MRPL1: variants seen among roughly 807,000 people sequenced by gnomAD.
MRPL1 encodes the protein large ribosomal subunit protein uL1m.
In MRPL1, 28 loss-of-function variants were observed where a neutral mutation model predicts 38.0. The ratio of observed to expected loss-of-function variants is 0.74; its 90% CI spans 0.55 to 1.01. The LOEUF is 1.01. MRPL1 is among the 50% of genes least tolerant of loss of function. The probability of loss-of-function intolerance (pLI) is 0.00; values close to 1 mark genes in which losing one functional copy is unlikely to be tolerated. For synonymous variants in MRPL1, 123 were observed against 126.7 expected, an observed-to-expected ratio of 0.97 and a Z score of 0.20; for missense variants, 358 against 389.8, an observed-to-expected ratio of 0.92 and a Z score of 0.69.
intron 7 of MRPL1, among the ~76,000 whole-genome samples, chr4:77,946,735 T>G (rs949008830): frequency 1.3e-5 from 2 of 152,160 alleles, no homozygotes; most frequent in African/African-American, 4.8e-5. Flanking sequence ...CTCCAAAATA[T>G]TTGGACAGAC....
intron 5 of MRPL1, among the ~76,000 whole-genome samples, chr4:77,892,471 T>G (rs1254201304): frequency 6.6e-6 from 1 of 152,162 alleles, no homozygotes; most frequent in Non-Finnish European, 1.5e-5. Flanking sequence ...ATTAAATTTA[T>G]TTTACTTTAT....
chr4:77,871,858 A>G lies in MRPL1; in HGVS notation c.143+3A>G. Reference sequence around the variant, plus strand: ...AGACATTTTGCTGCTGCTACAAAGTAAGTATTTTTTTTTAGTTATTATTTC... The same window carrying G: ...AGACATTTTGCTGCTGCTACAAAGTGAGTATTTTTTTTTAGTTATTATTTC... On this transcript the variant is annotated splice_donor_region_variant and intron_variant, in intron 2 of 8. Coordinates refer to ENST00000315567, the MANE Select transcript of MRPL1 (RefSeq NM_020236.4). The G allele has an allele frequency of 6.4e-7, 1 of 1,567,050 alleles. No homozygotes were observed. The highest frequency in any genetic ancestry group is 1.4e-5 in the African/African-American group (1 of 72,940).
rs186785178 is a variant in MRPL1 at position 77,934,765 on chromosome 4, A to G, written c.778-15032A>G. Among the ~76,000 whole-genome samples, 23 of 152,348 alleles carry G rather than the reference A, an allele frequency of 1.5e-4. 1 individual carries two copies. Among genetic ancestry groups the G allele is most frequent in the Admixed American group, 1.3e-3 (20 of 15,300 alleles). On this transcript the variant is annotated intron_variant, in intron 7 of 8. Coordinates refer to ENST00000315567, the MANE Select transcript of MRPL1 (RefSeq NM_020236.4). The stretch of plus-strand genomic sequence containing the variant: ...TCACAGTAGCATTCACAGGAGCCAG[A>G]AGGTACAAGCAGCCCATATGACAAT...
At chr4:77,931,920 G>A (rs1465190793) in intron 7 of MRPL1, among the ~76,000 whole-genome samples, 1 of 152,022 alleles carries the variant, frequency 6.6e-6, no homozygotes, top group East Asian at 1.9e-4. Context: ...TTCACGCAGC[G>A]CTGTGAGGAG....
chr4:77,878,663 A>G (rs1210246911), intron 2 of MRPL1, among the ~76,000 whole-genome samples: 5 of 152,062 alleles, frequency 3.3e-5, no homozygotes, highest in Admixed American at 2.0e-4. Flanking sequence ...GCAGATCACA[A>G]GGTCTGGAGT....
chr4:77,863,194 T>C (rs1320231118), intron 1 of MRPL1, among the ~76,000 whole-genome samples: 1 of 152,004 alleles, frequency 6.6e-6, no homozygotes, highest in Non-Finnish European at 1.5e-5. Flanking sequence ...TGGAGTGTGA[T>C]AAGTGAGGTG....
At chr4:77,939,432 G>A (rs1560475475) in intron 7 of MRPL1, among the ~76,000 whole-genome samples, 1 of 152,052 alleles carries the variant, frequency 6.6e-6, no homozygotes, top group African/African-American at 2.4e-5. Flanking sequence ...CTAGATTCTG[G>A]ATATTAGTCC....
At chr4:77,896,775 G>A (rs562071272) in intron 6 of MRPL1, among the ~76,000 whole-genome samples, 13 of 152,038 alleles carry the variant, frequency 8.6e-5, no homozygotes, top group South Asian at 2.1e-4. Flanking sequence ...AGTTTTATTC[G>A]TTTTATTTTA....
chr4:77,883,392 G>C lies in MRPL1; in HGVS notation c.294G>C (p.Glu98Asp), dbSNP rs1735595002. 9.3e-6 allele frequency: 15 copies of C among 1,613,900 alleles called. No individual in the cohort carries two copies. Among genetic ancestry groups the C allele is most frequent in the Non-Finnish European group, 1.3e-5 (15 of 1,179,932 alleles). The change falls in exon 3 of 9, where the codon GAG becomes GAC. Residue 98 changes from glutamate to aspartate, a missense_variant. Transcript: ENST00000315567. ...GCTTATACCCGAGACAGATATATGAGGTGGAGAAAGCTGTTCACTTACTTA... is the reference window on the plus strand; with the variant it reads ...GCTTATACCCGAGACAGATATATGACGTGGAGAAAGCTGTTCACTTACTTA... Reference protein sequence around the residue: ...LKRLYPRQIYEVEKAVHLLKK... With the variant: ...LKRLYPRQIYDVEKAVHLLKK...
chr4:77,898,795 G>A lies in MRPL1; in HGVS notation c.670+4545G>A, dbSNP rs190253938. On this transcript the variant is annotated intron_variant, in intron 6 of 8. Coordinates refer to ENST00000315567, the MANE Select transcript of MRPL1 (RefSeq NM_020236.4). ...ATGCGTGAGCCACCGCACCCAGCTT[G>A]GACTATATACAATTTATAGTTTTTT... Among the ~76,000 whole-genome samples, 437 of 151,070 alleles carry A rather than the reference G, an allele frequency of 2.9e-3. 8 individuals carry two copies. The South Asian group carries it at 0.032, about 11-fold the overall frequency.
intron 6 of MRPL1, among the ~76,000 whole-genome samples, chr4:77,901,292 T>C (rs1231162070): frequency 6.6e-6 from 1 of 151,988 alleles, no homozygotes; most frequent in East Asian, 1.9e-4. Context: ...AATAGAGGAA[T>C]AAAAATGATA....
At chr4:77,931,691 G>C (rs767124723) in intron 7 of MRPL1, among the ~76,000 whole-genome samples, 1 of 152,204 alleles carries the variant, frequency 6.6e-6, no homozygotes, top group Admixed American at 6.5e-5. Flanking sequence ...GTCATCTTGT[G>C]TTGGTATATA....
chr4:77,899,348 C>T (rs1735985278), intron 6 of MRPL1, among the ~76,000 whole-genome samples: 2 of 151,918 alleles, frequency 1.3e-5, no homozygotes, highest in Admixed American at 6.6e-5. Context: ...AAGCAAATCA[C>T]GAGCCCCCCC....
chr4:77,895,310 G>T (rs948875388), intron 6 of MRPL1, among the ~76,000 whole-genome samples: 2 of 152,082 alleles, frequency 1.3e-5, no homozygotes, highest in African/African-American at 4.8e-5. Flanking sequence ...GGAGTGAAAT[G>T]TATAAATGTC....
In MRPL1 at chr4:77,949,945, A is replaced by G. The variant is rs539159839; in HGVS notation, c.859+67A>G. 4.1e-5 allele frequency: 37 copies of G among 906,922 alleles called. No individual in the cohort carries two copies. In the African/African-American group the frequency reaches 6.1e-4, roughly 15 times the overall value. 56.2% of individuals were successfully genotyped at this position (906,922 alleles called of 1,614,324 possible). Reference sequence around the variant, plus strand: ...AAACTTTAAAATGTAAAATATGAAGAAAAAAGTCAAATTAACATGCAAGTA... The same window carrying G: ...AAACTTTAAAATGTAAAATATGAAGGAAAAAGTCAAATTAACATGCAAGTA... On this transcript the variant is annotated intron_variant, in intron 8 of 8. Coordinates refer to ENST00000315567, the MANE Select transcript of MRPL1 (RefSeq NM_020236.4).
chr4:77,915,345 T>C (rs1365778792), intron 7 of MRPL1, among the ~76,000 whole-genome samples: 2 of 152,236 alleles, frequency 1.3e-5, no homozygotes, highest in African/African-American at 4.8e-5. Flanking sequence ...ATATCCAAAC[T>C]GTGTATACTA....
At chr4:77,900,398 T>C (rs1173043494) in intron 6 of MRPL1, among the ~76,000 whole-genome samples, 1 of 152,122 alleles carries the variant, frequency 6.6e-6, no homozygotes, top group Non-Finnish European at 1.5e-5. Context: ...AATAAGTTTA[T>C]TGGTAGAAAA....
rs185642069 is a variant in MRPL1, at chr4:77,882,527, T to C, written c.144-715T>C. ...AGCACTAGACAACCACCAGATCTAC[T>C]TTTTAGTCTCTTAGGTTTGCTCATT... is the stretch of plus-strand genomic sequence containing the variant. On this transcript the variant is annotated intron_variant, in intron 2 of 8. Coordinates refer to ENST00000315567, the MANE Select transcript of MRPL1 (RefSeq NM_020236.4). Among the ~76,000 whole-genome samples, 19 of 152,282 alleles carry C rather than the reference T, an allele frequency of 1.2e-4. No homozygotes were observed. The East Asian group carries it at 3.5e-3, about 28-fold the overall frequency.
At chr4:77,919,427 A>T (rs2110253013) in intron 7 of MRPL1, among the ~76,000 whole-genome samples, 1 of 152,306 alleles carries the variant, frequency 6.6e-6, no homozygotes, top group Non-Finnish European at 1.5e-5. Flanking sequence ...CATTTTACAG[A>T]GGTATATATA....
Sources: allele counts gnomAD v4.1 joint callset (sites outside exome capture counted in the v4.1 genomes callset), GRCh38; gene constraint gnomAD v4.1.1; transcripts MANE v1.5; gene names NCBI Gene and HGNC (gene_info 2026-07-23, HGNC 2026-07-21).